Variants in KLC1 observed in about 807,000 individuals in gnomAD.
The protein encoded by KLC1 is kinesin light chain 1.
A neutral mutation model predicts 84.2 loss-of-function variants in KLC1; 30 were observed. The ratio of observed to expected loss-of-function variants is 0.36; its 90% CI spans 0.27 to 0.48. The LOEUF is 0.48. KLC1 is among the 20% of genes least tolerant of loss of function. The pLI, the probability that KLC1 is intolerant of heterozygous loss-of-function variation, is 0.99. For missense variants in KLC1, 499 were observed against 805.4 expected, an observed-to-expected ratio of 0.62 and a Z score of 4.60; for synonymous variants, 289 against 293.3, an observed-to-expected ratio of 0.99 and a Z score of 0.15.
rs755549056 is a variant in KLC1 at position 103,693,009 on chromosome 14, G to A, written c.1848+584G>A. ...TTTCATCCACTCCGCCCTTTGGTGT[G>A]GCTGTCAGTGGGTGGCCGGGTGCCT... On this transcript the variant is annotated intron_variant, in intron 15 of 16. Transcript: ENST00000334553. The surrounding 1 kb of genome is among the most constrained non-coding windows in gnomAD (Gnocchi z 5.1). Among the ~76,000 whole-genome samples the A allele has an allele frequency of 6.6e-6, 1 of 152,206 alleles. No homozygotes were observed. Among genetic ancestry groups the A allele is most frequent in the South Asian group, 2.1e-4 (1 of 4,834 alleles).
intron 5 of KLC1, among the ~76,000 whole-genome samples, chr14:103,668,680 T>C (rs1425266661): frequency 6.6e-6 from 1 of 151,816 alleles, no homozygotes; most frequent in African/African-American, 2.4e-5. Flanking sequence ...AGGGTTTCAC[T>C]GTGTTAGCAA....
chr14:103,657,312 A>G (rs2151517892), intron 2 of KLC1, among the ~76,000 whole-genome samples: 1 of 152,126 alleles, frequency 6.6e-6, no homozygotes, highest in South Asian at 2.1e-4. Flanking sequence ...TCTTCAAAAA[A>G]ATAAGTATTT....
chr14:103,653,757 C>T (rs936133594), intron 1 of KLC1, among the ~76,000 whole-genome samples: 3 of 152,134 alleles, frequency 2.0e-5, no homozygotes, highest in African/African-American at 7.2e-5. Flanking sequence ...GTCACTGTGC[C>T]GAAAAAGATC....
chr14:103,653,397 C>T (rs547423916), intron 1 of KLC1, among the ~76,000 whole-genome samples: 1 of 152,340 alleles, frequency 6.6e-6, no homozygotes, highest in African/African-American at 2.4e-5. Context: ...TCTTGGCTCA[C>T]TGCAACCTCT....
Position 103,694,556 on chromosome 14 carries a change from C to T in KLC1, c.1848+2131C>T, listed in dbSNP as rs1371553215. ...TGAGGCTGTATTTCTTAGCCGTCCACAAACTAGTCCATAGGTAAAGAGCAT... is the reference window on the plus strand; with the variant it reads ...TGAGGCTGTATTTCTTAGCCGTCCATAAACTAGTCCATAGGTAAAGAGCAT... On this transcript the variant is annotated intron_variant, in intron 15 of 16. Coordinates refer to ENST00000334553, the MANE Select transcript of KLC1 (RefSeq NM_001394837.1). This position sits in a 1 kb window ranked among gnomAD's most constrained non-coding sequence, Gnocchi z 4.5. The T allele has an allele frequency of 4.1e-6, 4 of 985,372 alleles. No homozygotes were observed. In the East Asian group the frequency reaches 4.5e-4, roughly 112 times the overall value. The allele number at this position is 985,372 out of a possible 1,614,324, so 61.0% of individuals were successfully genotyped here.
intron 2 of KLC1, among the ~76,000 whole-genome samples, chr14:103,657,259 C>T (rs377326265): frequency 6.6e-6 from 1 of 152,112 alleles, no homozygotes; most frequent in Non-Finnish European, 1.5e-5. Flanking sequence ...ACAGTTTCAT[C>T]AGAAGGGTAG....
At chr14:103,688,827 TG>T (rs1442953366) in intron 14 of KLC1, among the ~76,000 whole-genome samples, 3 of 152,236 alleles carry the variant, frequency 2.0e-5, no homozygotes, top group African/African-American at 7.2e-5. Flanking sequence ...ATTTGAAGAC[TG>T]GACTTCTGGA....
At chr14:103,698,760 G>A in intron 15 of KLC1, 1 of 1,550,770 alleles carries the variant, frequency 6.4e-7, no homozygotes, top group African/African-American at 1.4e-5. Context: ...CGTGTGTCGG[G>A]GCTTCTCAGG....
At chr14:103,641,570 A>G (rs2077492281) in intron 1 of KLC1, among the ~76,000 whole-genome samples, 1 of 152,112 alleles carries the variant, frequency 6.6e-6, no homozygotes, top group Admixed American at 6.6e-5. Flanking sequence ...AAAGAGTGTG[A>G]GAGAGTTCCC....
intron 15 of KLC1, chr14:103,696,636 C>G (rs1027082972): frequency 2.0e-6 from 2 of 985,370 alleles, no homozygotes; most frequent in African/African-American, 3.5e-5. Flanking sequence ...CTTGCTGGGG[C>G]CAGCAGGCTG....
intron 1 of KLC1, among the ~76,000 whole-genome samples, chr14:103,647,648 T>C (rs1356415430): frequency 1.3e-5 from 2 of 151,886 alleles, no homozygotes; most frequent in East Asian, 4.0e-4. Context: ...GAAGCCAAGG[T>C]GGGCAGATCC....
chr14:103,655,379 T>C (rs989437708), intron 2 of KLC1, among the ~76,000 whole-genome samples: 15 of 152,230 alleles, frequency 9.9e-5, no homozygotes, highest in African/African-American at 3.6e-4. Context: ...CTCGGCTCAC[T>C]GCATCCTCTG....
chr14:103,677,187 G>A (rs991323580), intron 11 of KLC1, among the ~76,000 whole-genome samples: 8 of 152,260 alleles, frequency 5.3e-5, no homozygotes, highest in Admixed American at 5.2e-4. Context: ...TGTGGTGTTA[G>A]CCTGGCCTGC....
chr14:103,669,743 TACTC>T (rs1310849881), intron 6 of KLC1, 145 bp downstream of exon 6: 15 of 621,458 alleles, frequency 2.4e-5, no homozygotes, highest in East Asian at 1.4e-4. Flanking sequence ...GGTCTTCACT[TACTC>T]AGTGCTAGTG....
At chr14:103,664,819 CTTTTTTTTTTTTTTT>C (rs34967823) in intron 5 of KLC1, among the ~76,000 whole-genome samples, 1 of 102,006 alleles carries the variant, frequency 9.8e-6, no homozygotes, top group Non-Finnish European at 1.9e-5. Context: ...TTGGCCAAGG[CTTTTTTTTTTTTTTT>C]TTTTTTTTTA....
At chr14:103,660,056 C>T (rs1165710652) in intron 3 of KLC1, among the ~76,000 whole-genome samples, 3 of 152,156 alleles carry the variant, frequency 2.0e-5, no homozygotes, top group African/African-American at 7.2e-5. Flanking sequence ...AATACCATTA[C>T]ACTGGGGGTT....
intron 1 of KLC1, among the ~76,000 whole-genome samples, chr14:103,637,329 A>T (rs968175003): frequency 1.3e-5 from 2 of 151,848 alleles, no homozygotes; most frequent in African/African-American, 2.4e-5. Context: ...CAGGAGTTTG[A>T]GACTACCCTG....
intron 1 of KLC1, among the ~76,000 whole-genome samples, chr14:103,641,968 T>G (rs2077526714): frequency 6.6e-6 from 1 of 152,080 alleles, no homozygotes; most frequent in Non-Finnish European, 1.5e-5. Context: ...TCTCACTCCA[T>G]CGCCCAGGCT....
In KLC1 at chr14:103,670,312, T is replaced by C. The variant is rs376871131; in HGVS notation, c.987+29T>C. On this transcript the variant is annotated intron_variant, in intron 7 of 16. Transcript: ENST00000334553. Reference sequence around the variant, plus strand: ...CAAAAGAAGGGGGCAGTCGTTTTCTTTGAGATTTTTGTTTTGTGTGTGTGT... The same window carrying C: ...CAAAAGAAGGGGGCAGTCGTTTTCTCTGAGATTTTTGTTTTGTGTGTGTGT... The C allele has an allele frequency of 6.2e-5, 95 of 1,524,104 alleles. No homozygotes were observed. The African/African-American group carries it at 1.2e-3, about 19-fold the overall frequency. 94.4% of individuals were successfully genotyped at this position (1,524,104 alleles called of 1,614,324 possible).
Sources: gnomAD v4.1 joint callset for allele counts (sites outside exome capture counted in the v4.1 genomes callset) on GRCh38, gnomAD v4.1.1 for gene constraint, Gnocchi (gnomAD v3.1) non-coding constraint, MANE v1.5 for transcripts, NCBI Gene and HGNC (gene_info 2026-07-23, HGNC 2026-07-21) for gene names.